SIPA1L1: variants seen among roughly 807,000 people sequenced by gnomAD.
SIPA1L1 encodes the protein signal induced proliferation associated 1 like 1, also known as signal-induced proliferation-associated 1-like protein 1.
A neutral mutation model predicts 162.7 loss-of-function variants in SIPA1L1; 26 were observed. That is an observed-to-expected ratio of 0.16 (90% confidence interval 0.12 to 0.22). SIPA1L1 has a LOEUF of 0.22. Among genes scored for constraint, SIPA1L1 ranks in the 10% least tolerant of loss-of-function variants. The pLI is 1.00. For missense variants in SIPA1L1, 1,874 were observed against 2,241.0 expected (o/e 0.84, Z 3.31); for synonymous variants, 829 against 837.4 (o/e 0.99, Z 0.17).
chr14:71,384,225 C>T (rs1191465704), intron 2 of SIPA1L1, among the ~76,000 whole-genome samples: 2 of 152,176 alleles, frequency 1.3e-5, no homozygotes, highest in African/African-American at 4.8e-5. Flanking sequence ...AGATGTCATG[C>T]TGACTTTTTT....
intron 2 of SIPA1L1, among the ~76,000 whole-genome samples, chr14:71,323,303 T>C (rs1326984544): frequency 6.6e-6 from 1 of 152,254 alleles, no homozygotes; most frequent in African/African-American, 2.4e-5. Flanking sequence ...TCTGAATTTT[T>C]AGATAAATGA....
At chr14:71,729,509 C>CA (rs1208485621) in intron 19 of SIPA1L1, among the ~76,000 whole-genome samples, 1 of 152,172 alleles carries the variant, frequency 6.6e-6, no homozygotes, top group Admixed American at 6.5e-5. Context: ...TGTTGCCCAG[C>CA]AAGCATGTTA....
rs765079769 is a variant in SIPA1L1 at position 71,724,626 on chromosome 14, C to G, written c.4449-44C>G. The G allele has an allele frequency of 3.2e-6, 5 of 1,569,096 alleles. No homozygotes were observed. In the African/African-American group the frequency reaches 5.5e-5, roughly 17 times the overall value. Reference sequence around the variant, plus strand: ...AGAGCCCATCATGCCCTTGAGCCAGCCTTGTTGAGTTGGTATCTATCATCT... The same window carrying G: ...AGAGCCCATCATGCCCTTGAGCCAGGCTTGTTGAGTTGGTATCTATCATCT... On this transcript the variant is annotated intron_variant, in intron 18 of 23. Coordinates refer to ENST00000381232, the MANE Select transcript of SIPA1L1 (RefSeq NM_001386936.1).
Position 71,724,855 on chromosome 14 carries a change from G to A in SIPA1L1, c.4614+20G>A. 6.2e-7 allele frequency: 1 copy of A among 1,605,104 alleles called. No individual in the cohort carries two copies. Among genetic ancestry groups the A allele is most frequent in the Non-Finnish European group, 8.5e-7 (1 of 1,175,824 alleles). On this transcript the variant is annotated intron_variant, in intron 19 of 23. Coordinates refer to ENST00000381232, the MANE Select transcript of SIPA1L1 (RefSeq NM_001386936.1). ...TTTAAGGTACAAGACAGAGCTCAGG[G>A]TAGATGGCAATTAGAAACAAGCCAG...
At chr14:71,644,279 C>G (rs1309166357) in intron 7 of SIPA1L1, among the ~76,000 whole-genome samples, 1 of 152,190 alleles carries the variant, frequency 6.6e-6, no homozygotes. Context: ...ATTGCCCAGG[C>G]TGGAGTGCAG....
intron 3 of SIPA1L1, among the ~76,000 whole-genome samples, chr14:71,526,964 A>C (rs977608549): frequency 8.5e-5 from 13 of 152,200 alleles, no homozygotes; most frequent in Middle Eastern, 3.2e-3. Flanking sequence ...TATTCCCATC[A>C]GCATTGTGTG....
chr14:71,718,223 A>G (rs1461961629), intron 17 of SIPA1L1, among the ~76,000 whole-genome samples: 1 of 152,210 alleles, frequency 6.6e-6, no homozygotes, highest in African/African-American at 2.4e-5. Context: ...GGCCCACTGA[A>G]TTAGAGGCCC....
chr14:71,555,892 G>C (rs796832560), intron 4 of SIPA1L1, among the ~76,000 whole-genome samples: 36 of 152,326 alleles, frequency 2.4e-4, no homozygotes, highest in African/African-American at 8.4e-4. Context: ...GCCGTCTTCT[G>C]TGAGTGCAGT....
intron 2 of SIPA1L1, among the ~76,000 whole-genome samples, chr14:71,474,550 G>A (rs2047704046): frequency 6.6e-6 from 1 of 152,184 alleles, no homozygotes; most frequent in East Asian, 1.9e-4. Flanking sequence ...AATATAAAAA[G>A]GTCTCAATCT....
chr14:71,608,518 A>T (rs2037794024), intron 5 of SIPA1L1, among the ~76,000 whole-genome samples: 2 of 152,190 alleles, frequency 1.3e-5, no homozygotes, highest in South Asian at 4.1e-4. Context: ...AAAAATAAAA[A>T]GTTGCATTAA....
chr14:71,733,846 G>A, intron 21 of SIPA1L1, 34 bp downstream of exon 21: 1 of 1,602,842 alleles, frequency 6.2e-7, no homozygotes, highest in African/African-American at 1.3e-5. Flanking sequence ...GACAGCCCAG[G>A]ATCCTGCAGC....
At chr14:71,401,774 C>A (rs1473062014) in intron 2 of SIPA1L1, among the ~76,000 whole-genome samples, 1 of 151,456 alleles carries the variant, frequency 6.6e-6, no homozygotes, top group African/African-American at 2.4e-5. Flanking sequence ...AAGGAAAAAC[C>A]AGAAAAACAG....
chr14:71,376,842 G>A (rs1311859427), intron 2 of SIPA1L1, among the ~76,000 whole-genome samples: 2 of 152,106 alleles, frequency 1.3e-5, no homozygotes, highest in African/African-American at 2.4e-5. Flanking sequence ...CAGAGAGCAC[G>A]GGGTTGGGGG....
intron 2 of SIPA1L1, among the ~76,000 whole-genome samples, chr14:71,418,994 T>TA (rs2042986995): frequency 6.6e-6 from 1 of 152,178 alleles, no homozygotes; most frequent in South Asian, 2.1e-4. Flanking sequence ...GCCAAGGTCT[T>TA]CAGTGAGTAG....
intron 5 of SIPA1L1, among the ~76,000 whole-genome samples, chr14:71,606,719 C>T (rs1434077532): frequency 4.6e-5 from 7 of 151,982 alleles, no homozygotes; most frequent in African/African-American, 9.7e-5. Context: ...AGTCTCTCCA[C>T]GCTCCCAACC....
intron 2 of SIPA1L1, among the ~76,000 whole-genome samples, chr14:71,417,486 A>AAAAAAAAAAAAAAAAAAAAAAT (rs2042874796): frequency 7.1e-6 from 1 of 141,800 alleles, no homozygotes; most frequent in Non-Finnish European, 1.6e-5. Context: ...AAAAAAAAAA[A>AAAAAAAAAAAAAAAAAAAAAAT]AAAAAAAAAA....
chr14:71,562,974 T>C (rs1338762903), intron 4 of SIPA1L1, among the ~76,000 whole-genome samples: 1 of 152,152 alleles, frequency 6.6e-6, no homozygotes, highest in African/African-American at 2.4e-5. Flanking sequence ...CATAGCACTT[T>C]GTAGCATGTC....
intron 2 of SIPA1L1, among the ~76,000 whole-genome samples, chr14:71,367,730 C>T (rs1266677876): frequency 2.0e-5 from 3 of 150,640 alleles, no homozygotes; most frequent in Non-Finnish European, 3.0e-5. Context: ...CCTCAGCCTC[C>T]TGAGTAGCTG....
intron 13 of SIPA1L1, among the ~76,000 whole-genome samples, chr14:71,687,457 C>A (rs1566654564): frequency 6.6e-6 from 1 of 152,182 alleles, no homozygotes; most frequent in Non-Finnish European, 1.5e-5. Flanking sequence ...GTGCTGTTTT[C>A]TTTCTCTCCA....
Sources: allele counts gnomAD v4.1 joint callset (sites outside exome capture counted in the v4.1 genomes callset), GRCh38; gene constraint gnomAD v4.1.1; transcripts MANE v1.5; gene names NCBI Gene and HGNC (gene_info 2026-07-23, HGNC 2026-07-21).